HSPA12A: variants seen among roughly 807,000 people sequenced by gnomAD.
The protein encoded by HSPA12A is heat shock protein family A (Hsp70) member 12A, also known as heat shock 70 kDa protein 12A.
A neutral mutation model predicts 69.2 loss-of-function variants in HSPA12A; 28 were observed. The observed-to-expected ratio is 0.40, with a 90% CI of 0.30 to 0.55. The LOEUF (loss-of-function observed/expected upper bound fraction) is 0.55. Ranked by LOEUF, HSPA12A falls within the 20% of genes least tolerant of loss-of-function variation. The probability of loss-of-function intolerance (pLI) is 0.38; values close to 1 mark genes in which losing one functional copy is unlikely to be tolerated. For missense variants in HSPA12A, 686 were observed against 900.7 expected, an observed-to-expected ratio of 0.76 and a Z score of 3.05; for synonymous variants, 345 against 370.5, an observed-to-expected ratio of 0.93 and a Z score of 0.79.
At chr10:116,806,944 A>T (rs1845081409) in intron 2 of HSPA12A, among the ~76,000 whole-genome samples, 3 of 152,226 alleles carry the variant, frequency 2.0e-5, no homozygotes, top group African/African-American at 7.2e-5. Context: ...TCCAGTGGCA[A>T]GCGTCTTTGC....
rs149855064 is a variant in HSPA12A, at chr10:116,696,322, C to T, written c.546+2313G>A. ...TCACCTTGAATTGTAATAATCCCCA[C>T]GTGTCAAGGGTGGGGCCAGGTGGAG... On this transcript the variant is annotated intron_variant, in intron 5 of 11. Transcript: ENST00000369209. Among the ~76,000 whole-genome samples the T allele has an allele frequency of 6.9e-3, 1,053 of 152,210 alleles. 17 individuals carry two copies. The highest frequency in any genetic ancestry group is 0.024 in the African/African-American group (1,017 of 41,522).
intron 1 of HSPA12A, among the ~76,000 whole-genome samples, chr10:116,730,833 A>G (rs1554885615): frequency 1.3e-5 from 2 of 152,250 alleles, no homozygotes; most frequent in African/African-American, 2.4e-5. Context: ...GCTGTGGGAT[A>G]AGGGCCTTCC....
chr10:116,685,720 G>A (rs1485808355), intron 6 of HSPA12A, among the ~76,000 whole-genome samples: 6 of 152,038 alleles, frequency 3.9e-5, no homozygotes, highest in African/African-American at 1.4e-4. Flanking sequence ...GAGGGAGGGT[G>A]GCCCACTGTC....
intron 7 of HSPA12A, among the ~76,000 whole-genome samples, chr10:116,683,281 A>C (rs1554878963): frequency 6.6e-6 from 1 of 152,146 alleles, no homozygotes; most frequent in East Asian, 1.9e-4. Context: ...CGCCATCCTC[A>C]GTCTCCCTAA....
intron 2 of HSPA12A, among the ~76,000 whole-genome samples, chr10:116,804,081 G>C (rs1277597733): frequency 6.6e-6 from 1 of 151,986 alleles, no homozygotes; most frequent in African/African-American, 2.4e-5. Flanking sequence ...AGCTCCCTAC[G>C]GTCGACAGGC....
At chr10:116,746,985 A>T (rs1220494814), upstream of HSPA12A, among the ~76,000 whole-genome samples, 1 of 152,230 alleles carries the variant, frequency 6.6e-6, no homozygotes, top group Non-Finnish European at 1.5e-5. Flanking sequence ...AACAGGACCA[A>T]GATTCAGATT....
At chr10:116,703,236 T>C (rs1850132450) in intron 3 of HSPA12A, among the ~76,000 whole-genome samples, 1 of 152,218 alleles carries the variant, frequency 6.6e-6, no homozygotes, top group Non-Finnish European at 1.5e-5. Context: ...CAGGAGTGTC[T>C]GTACCCTCTT....
chr10:116,800,966 A>G (rs7097645), intron 2 of HSPA12A, among the ~76,000 whole-genome samples: 81,445 of 152,052 alleles, frequency 0.54, 22,098 homozygotes, highest in East Asian at 0.65. Flanking sequence ...TTCCTTGCTC[A>G]GAACTCTGTC....
At chr10:116,709,376 A>G (rs1166452659) in intron 1 of HSPA12A, among the ~76,000 whole-genome samples, 1 of 147,888 alleles carries the variant, frequency 6.8e-6, no homozygotes, top group Non-Finnish European at 1.5e-5. Context: ...TGAACCCAGG[A>G]GGCGGAGGGT....
chr10:116,699,065 G>T (rs1850002270), intron 4 of HSPA12A, among the ~76,000 whole-genome samples: 1 of 152,168 alleles, frequency 6.6e-6, no homozygotes, highest in African/African-American at 2.4e-5. Context: ...GGCAGCAGGT[G>T]CCACTCCCCA....
intron 2 of HSPA12A, among the ~76,000 whole-genome samples, chr10:116,825,941 T>G (rs1845495731): frequency 6.6e-6 from 1 of 152,114 alleles, no homozygotes; most frequent in Non-Finnish European, 1.5e-5. Flanking sequence ...TGAAACCACA[T>G]CCTAGGCAGA....
At chr10:116,774,020 T>A (rs117094272) in intron 2 of HSPA12A, among the ~76,000 whole-genome samples, 6,657 of 152,172 alleles carry the variant, frequency 0.044, 190 homozygotes, top group Non-Finnish European at 0.067. Context: ...AGGGCTTTTT[T>A]TTTTTTTGAG....
In HSPA12A at chr10:116,682,664, A is replaced by G. The variant is rs116750048; in HGVS notation, c.836-787T>C. ...TCATTGTCCCTATGTTCGGAGAAGGAAATCAGGTCAGGAAAGGTTAAGGGG... is the reference window on the plus strand; with the variant it reads ...TCATTGTCCCTATGTTCGGAGAAGGGAATCAGGTCAGGAAAGGTTAAGGGG... On this transcript the variant is annotated intron_variant, in intron 7 of 11. Transcript: ENST00000369209. Among the ~76,000 whole-genome samples the G allele has an allele frequency of 8.8e-3, 1,343 of 152,200 alleles. 25 individuals are homozygous for G. Among genetic ancestry groups the G allele is most frequent in the African/African-American group, 0.031 (1,275 of 41,542 alleles).
intron 2 of HSPA12A, among the ~76,000 whole-genome samples, chr10:116,761,869 A>C (rs183644117): frequency 4.6e-5 from 7 of 152,294 alleles, no homozygotes; most frequent in Admixed American, 6.5e-5. Flanking sequence ...GTGATAACAA[A>C]AAAAAAAGGA....
chr10:116,822,612 G>T (rs996386183), intron 2 of HSPA12A, among the ~76,000 whole-genome samples: 1 of 152,314 alleles, frequency 6.6e-6, no homozygotes, highest in Admixed American at 6.5e-5. Context: ...CTTGGGGACT[G>T]GTTGGATACG....
At chr10:116,730,257 A>C (rs1554885544) in intron 1 of HSPA12A, among the ~76,000 whole-genome samples, 1 of 152,198 alleles carries the variant, frequency 6.6e-6, no homozygotes, top group East Asian at 1.9e-4. Flanking sequence ...CTTTATATAC[A>C]TGACCTCATC....
intron 1 of HSPA12A, among the ~76,000 whole-genome samples, chr10:116,712,977 A>AATATATAT (rs56007651): frequency 0.03 from 2,435 of 80,540 alleles, 98 homozygotes; most frequent in Admixed American, 0.056. Context: ...TAAAAAATGC[A>AATATATAT]ATATATATAT....
At chr10:116,814,711 C>T (rs1274919534) in intron 2 of HSPA12A, among the ~76,000 whole-genome samples, 2 of 152,196 alleles carry the variant, frequency 1.3e-5, no homozygotes, top group East Asian at 3.8e-4. Context: ...TTTCTGGGAC[C>T]TGCTGAATCA....
At chr10:116,681,092 G>T (rs2133365380) in intron 9 of HSPA12A, 60 bp downstream of exon 9, 1 of 1,168,840 alleles carries the variant, frequency 8.6e-7, no homozygotes, top group South Asian at 1.2e-5. Flanking sequence ...TGAAACAAGT[G>T]AAAACAGAAC....
Sources: gnomAD v4.1 joint callset for allele counts (sites outside exome capture counted in the v4.1 genomes callset) on GRCh38, gnomAD v4.1.1 for gene constraint, MANE v1.5 for transcripts, NCBI Gene and HGNC (gene_info 2026-07-23, HGNC 2026-07-21) for gene names.